DDX25: variants seen among roughly 807,000 people sequenced by gnomAD.
DDX25 encodes the protein ATP-dependent RNA helicase DDX25.
In DDX25, 70 loss-of-function variants were observed where a neutral mutation model predicts 64.6. The ratio of observed to expected loss-of-function variants is 1.08; its 90% CI spans 0.89 to 1.32. The LOEUF is 1.32. Among genes scored for constraint, DDX25 ranks in the 40% most tolerant of loss-of-function variants. The pLI is 0.00. For missense variants in DDX25, 587 were observed against 604.4 expected, an observed-to-expected ratio of 0.97 and a Z score of 0.30; for synonymous variants, 211 against 213.3, an observed-to-expected ratio of 0.99 and a Z score of 0.09.
At chr11:125,908,142 C>A in intron 4 of DDX25, 54 bp from the exon 5 acceptor site, 1 of 1,428,360 alleles carries the variant, frequency 7.0e-7, no homozygotes, top group Admixed American at 2.2e-5. Context: ...GTATGTATTT[C>A]TGATGCTACT....
intron 1 of DDX25, chr11:125,904,901 T>C: frequency 3.6e-6 from 2 of 549,462 alleles, no homozygotes; most frequent in Non-Finnish European, 6.5e-6. Context: ...CTCGCTTCCA[T>C]CCATTTGCCA....
At chr11:125,916,870 C>G in intron 8 of DDX25, 144 bp from the exon 9 acceptor site, 1 of 751,106 alleles carries the variant, frequency 1.3e-6, no homozygotes, top group Non-Finnish European at 2.2e-6. Flanking sequence ...CCTTGGCTAT[C>G]TGCCTGGAGA....
At chr11:125,908,978 A>G (rs1213061875) in intron 6 of DDX25, among the ~76,000 whole-genome samples, 4 of 152,252 alleles carry the variant, frequency 2.6e-5, no homozygotes, top group Non-Finnish European at 5.9e-5. Flanking sequence ...ATCTAACTGC[A>G]GGACCAGAAG....
Position 125,918,632 on chromosome 11 carries a change from G to A in DDX25, c.1043G>A (p.Arg348His), listed in dbSNP as rs943464566. The change falls in exon 10 of 12, where the codon CGT (arginine) becomes CAT (histidine). Residue 348 changes from arginine to histidine, a missense_variant. Physicochemically the swap from Arg to His is conservative, Grantham distance 29. Transcript: ENST00000263576. ...GGGTTTTGCCTTTTTACATAGACTC[G>A]TCGAAACGCTAAGTGGTTGACCGTG... ...IGQAIIFCQT[R>H]RNAKWLTVEM... 5.6e-6 allele frequency: 9 copies of A among 1,612,248 alleles called. No individual in the cohort carries two copies. Among genetic ancestry groups the A allele is most frequent in the African/African-American group, 1.3e-5 (1 of 74,778 alleles).
chr11:125,906,289 C>T (rs894331974), intron 4 of DDX25, 80 bp downstream of exon 4: 2 of 1,418,742 alleles, frequency 1.4e-6, no homozygotes, highest in African/African-American at 3.0e-5. Context: ...TAAAAACCAT[C>T]AGGATCTCCT....
rs766405116 is a variant in DDX25, at chr11:125,925,407, G to A, written c.*2526G>A. The A allele has an allele frequency of 2.2e-6, 1 of 456,270 alleles. No individual in the cohort carries two copies. Among genetic ancestry groups the A allele is most frequent in the Non-Finnish European group, 4.4e-6 (1 of 226,966 alleles). 28.3% of individuals were successfully genotyped at this position (456,270 alleles called of 1,614,324 possible). ...TCCTGTGTCACAGCTGCATTAACAC[G>A]AACTGGCTAGTTTGGTGAGTCAACA... On this transcript the variant is annotated 3_prime_UTR_variant, in exon 12 of 12. Transcript: ENST00000263576.
intron 4 of DDX25, among the ~76,000 whole-genome samples, chr11:125,907,562 C>T (rs906616012): frequency 6.6e-6 from 1 of 151,826 alleles, no homozygotes; most frequent in East Asian, 1.9e-4. Context: ...GAGCTGAGGT[C>T]GCGCCACTGC....
chr11:125,928,518 G>A lies in DDX25; in HGVS notation c.*5637G>A, dbSNP rs1349244829. The A allele has an allele frequency of 1.3e-5, 2 of 152,174 alleles. No homozygotes were observed. The highest frequency in any genetic ancestry group is 4.8e-5 in the African/African-American group (2 of 41,428). The allele number at this position is 152,174 out of a possible 1,614,324, so 9.4% of individuals were successfully genotyped here. On this transcript the variant is annotated 3_prime_UTR_variant, in exon 12 of 12. Coordinates refer to ENST00000263576, the MANE Select transcript of DDX25 (RefSeq NM_013264.5). ...GTCGAAAACTAGAAGCACTTTAACA[G>A]CATTTAACAGATTTTGTTAGAGCTA...
intron 8 of DDX25, among the ~76,000 whole-genome samples, chr11:125,912,074 T>C (rs1013152286): frequency 1.8e-4 from 27 of 152,248 alleles, no homozygotes; most frequent in Non-Finnish European, 2.9e-4. Context: ...ACATACTCAA[T>C]GTTAAATTCA....
intron 6 of DDX25, among the ~76,000 whole-genome samples, chr11:125,909,417 A>G (rs1944936510): frequency 1.3e-5 from 2 of 152,204 alleles, no homozygotes; most frequent in African/African-American, 4.8e-5. Flanking sequence ...ATGTTTCCCT[A>G]TCACAGATTC....
chr11:125,910,300 A>G (rs1321235183), intron 6 of DDX25, 64 bp from the exon 7 acceptor site: 1 of 1,364,022 alleles, frequency 7.3e-7, no homozygotes, highest in African/African-American at 1.4e-5. Flanking sequence ...TTTTTATTGC[A>G]GTTGAAATTT....
Position 125,925,299 on chromosome 11 carries a change from G to A in DDX25, c.*2418G>A. On this transcript the variant is annotated 3_prime_UTR_variant, in exon 12 of 12. Coordinates refer to ENST00000263576, the MANE Select transcript of DDX25 (RefSeq NM_013264.5). Reference sequence around the variant, plus strand: ...GTTTGGCAGCTGTTCCCACAGGTCTGCATGAACCAGGTATTTTTCTGCGTT... The same window carrying A: ...GTTTGGCAGCTGTTCCCACAGGTCTACATGAACCAGGTATTTTTCTGCGTT... 1 of 415,400 alleles carries A rather than the reference G, an allele frequency of 2.4e-6. No homozygotes were observed. The highest frequency in any genetic ancestry group is 4.9e-6 in the Non-Finnish European group (1 of 202,926). 25.7% of individuals were successfully genotyped at this position (415,400 alleles called of 1,614,324 possible). A position where few individuals can be genotyped will look rare whatever the true frequency, so the allele number is the denominator to read the frequency against.
At position 125,904,914 on chromosome 11, in the gene DDX25, G is replaced by A. The variant is rs774856996; in HGVS notation, c.64-298G>A. On this transcript the variant is annotated intron_variant, in intron 1 of 11. Coordinates refer to ENST00000263576, the MANE Select transcript of DDX25 (RefSeq NM_013264.5). ...ACCTCGCTTCCATCCATTTGCCAGC[G>A]CACTTTCCTAGCCACCCTCCCCTTG... 2.9e-5 allele frequency: 16 copies of A among 544,988 alleles called. No individual in the cohort carries two copies. The South Asian group carries it at 2.9e-4, about 10-fold the overall frequency. 33.8% of individuals were successfully genotyped at this position (544,988 alleles called of 1,614,324 possible). A position where few individuals can be genotyped will look rare whatever the true frequency, so the allele number is the denominator to read the frequency against.
chr11:125,914,318 T>G (rs1174684693), intron 8 of DDX25, among the ~76,000 whole-genome samples: 1 of 152,234 alleles, frequency 6.6e-6, no homozygotes, highest in Non-Finnish European at 1.5e-5. Flanking sequence ...TCTTTAGGAC[T>G]ATGTAATGTC....
chr11:125,904,689 G>A lies in DDX25; in HGVS notation c.63+109G>A, dbSNP rs116979470. On this transcript the variant is annotated intron_variant, in intron 1 of 11. Coordinates refer to ENST00000263576, the MANE Select transcript of DDX25 (RefSeq NM_013264.5). ...AGCCCGCGAGCGTTCGAAGTGGGGC[G>A]TCAGATGCTGGAGGGGAGATGCGGG... 2,553 of 1,242,840 alleles carry A rather than the reference G, an allele frequency of 2.1e-3. 35 individuals carry two copies. The East Asian group carries it at 0.034, about 17-fold the overall frequency. The allele number at this position is 1,242,840 out of a possible 1,614,324, so 77.0% of individuals were successfully genotyped here. A position where few individuals can be genotyped will look rare whatever the true frequency, so the allele number is the denominator to read the frequency against.
upstream of DDX25, chr11:125,904,318 C>G (rs1177919933): frequency 2.5e-6 from 1 of 394,792 alleles, no homozygotes; most frequent in Admixed American, 4.6e-5. Flanking sequence ...CCGCTCTCTG[C>G]CCCCCGCCCC....
At chr11:125,904,440 T>TGGCCAGCGGATGG, upstream of DDX25, 1 of 1,306,592 alleles carries the variant, frequency 7.7e-7, no homozygotes, top group Non-Finnish European at 9.8e-7. Flanking sequence ...GGAAGCCCAT[T>TGGCCAGCGGATGG]GGCCAGCGGA....
rs1452845211 is a variant in DDX25, at chr11:125,925,228, G to GT, written c.*2348dup. On this transcript the variant is annotated 3_prime_UTR_variant, in exon 12 of 12. Transcript: ENST00000263576. ...CTTTCCTTTACAGTTCAAATCTCTGGTAAGATCTCCGCCAGTTACCCTCAC... is the reference window on the plus strand; with the variant it reads ...CTTTCCTTTACAGTTCAAATCTCTGGTTAAGATCTCCGCCAGTTACCCTCAC... 1 of 352,588 alleles carries GT rather than the reference G, an allele frequency of 2.8e-6. No homozygotes were observed. Among genetic ancestry groups the GT allele is most frequent in the Non-Finnish European group, 5.7e-6 (1 of 175,584 alleles). 21.8% of individuals were successfully genotyped at this position (352,588 alleles called of 1,614,324 possible). A position where few individuals can be genotyped will look rare whatever the true frequency, so the allele number is the denominator to read the frequency against.
chr11:125,909,607 TAAA>T (rs1213919746), intron 6 of DDX25, among the ~76,000 whole-genome samples: 1 of 151,644 alleles, frequency 6.6e-6, no homozygotes, highest in East Asian at 1.9e-4. Context: ...ATAGATAATA[TAAA>T]CAGATTGGAT....
Sources: allele counts gnomAD v4.1 joint callset (sites outside exome capture counted in the v4.1 genomes callset), GRCh38; gene constraint gnomAD v4.1.1; transcripts MANE v1.5; gene names NCBI Gene and HGNC (gene_info 2026-07-23, HGNC 2026-07-21).